The following PRKG1 variants were observed in gnomAD, a reference collection of about 807,000 sequenced individuals.
The protein encoded by PRKG1 is cGMP-dependent protein kinase 1.
A neutral mutation model predicts 88.1 loss-of-function variants in PRKG1; 35 were observed. That is an observed-to-expected ratio of 0.40 (90% CI 0.30 to 0.53). PRKG1 has a LOEUF of 0.53. Among genes scored for constraint, PRKG1 ranks in the 20% least tolerant of loss-of-function variants. The pLI is 0.59. For missense variants in PRKG1, 540 were observed against 839.8 expected, an observed-to-expected ratio of 0.64 and a Z score of 4.41; for synonymous variants, 303 against 292.5, an observed-to-expected ratio of 1.04 and a Z score of -0.37.
intron 1 of PRKG1, among the ~76,000 whole-genome samples, chr10:51,029,880 G>GTAGGA (rs771304303): frequency 6.6e-6 from 1 of 152,118 alleles, no homozygotes; most frequent in Non-Finnish European, 1.5e-5. Flanking sequence ...CCTGGGGCAA[G>GTAGGA]TAGGATAACT....
At chr10:51,420,461 T>C (rs1838378406) in intron 2 of PRKG1, among the ~76,000 whole-genome samples, 1 of 152,138 alleles carries the variant, frequency 6.6e-6, no homozygotes, top group Admixed American at 6.6e-5. Context: ...TTAATCATGG[T>C]TGCACCACAG....
At chr10:51,128,040 AG>A (rs1845474764) in intron 1 of PRKG1, among the ~76,000 whole-genome samples, 1 of 152,190 alleles carries the variant, frequency 6.6e-6, no homozygotes, top group Non-Finnish European at 1.5e-5. Context: ...ACAGGTTGAT[AG>A]GTGCAGCAAA....
intron 1 of PRKG1, among the ~76,000 whole-genome samples, chr10:51,098,557 C>T (rs1844601098): frequency 6.6e-6 from 1 of 152,102 alleles, no homozygotes; most frequent in East Asian, 1.9e-4. Flanking sequence ...AAAATGTGGG[C>T]CTGTGTTAGC....
chr10:52,129,789 A>G (rs1308912007), intron 7 of PRKG1, among the ~76,000 whole-genome samples: 4 of 152,180 alleles, frequency 2.6e-5, no homozygotes, highest in African/African-American at 9.7e-5. Context: ...CCATAACTCT[A>G]TTAGTGCTGG....
intron 1 of PRKG1, among the ~76,000 whole-genome samples, chr10:51,004,730 C>CTG (rs754907477): frequency 2.0e-5 from 3 of 151,046 alleles, no homozygotes; most frequent in Admixed American, 6.6e-5. Context: ...GGGTGTGTGC[C>CTG]TGTGTGTGTG....
intron 2 of PRKG1, among the ~76,000 whole-genome samples, chr10:51,374,938 C>T (rs554908646): frequency 1.4e-4 from 21 of 152,200 alleles, no homozygotes; most frequent in African/African-American, 5.1e-4. Context: ...CCATGTGGGC[C>T]TCTCCATATG....
intron 12 of PRKG1, among the ~76,000 whole-genome samples, chr10:52,276,400 C>T (rs983530358): frequency 8.5e-5 from 13 of 152,184 alleles, no homozygotes; most frequent in African/African-American, 2.2e-4. Flanking sequence ...TGTTGTTACT[C>T]GTCAATGAAA....
At chr10:52,171,612 A>G (rs1420828337) in intron 9 of PRKG1, among the ~76,000 whole-genome samples, 3 of 152,228 alleles carry the variant, frequency 2.0e-5, no homozygotes, top group Non-Finnish European at 2.9e-5. Flanking sequence ...AATGGTTTCT[A>G]AGGCCACCAA....
At chr10:52,041,958 T>C (rs1306704666) in intron 5 of PRKG1, among the ~76,000 whole-genome samples, 1 of 151,958 alleles carries the variant, frequency 6.6e-6, no homozygotes, top group Non-Finnish European at 1.5e-5. Context: ...TAATAATAGC[T>C]TCACACACAC....
chr10:51,108,159 A>G (rs968619485), intron 1 of PRKG1, among the ~76,000 whole-genome samples: 31 of 152,142 alleles, frequency 2.0e-4, no homozygotes, highest in African/African-American at 7.5e-4. Flanking sequence ...TCACTGGTAC[A>G]TTCTACAAAA....
chr10:51,268,842 T>C (rs1055888102), intron 2 of PRKG1, among the ~76,000 whole-genome samples: 2 of 152,168 alleles, frequency 1.3e-5, no homozygotes, highest in Non-Finnish European at 2.9e-5. Flanking sequence ...CTTCACAATT[T>C]ATGTTCAGAG....
intron 5 of PRKG1, among the ~76,000 whole-genome samples, chr10:51,914,623 A>G (rs1238329398): frequency 1.3e-5 from 2 of 152,324 alleles, no homozygotes; most frequent in South Asian, 4.1e-4. Flanking sequence ...TTTCATGTCC[A>G]ATTTTCCCTT....
chr10:51,923,016 A>T (rs903342906), intron 5 of PRKG1, among the ~76,000 whole-genome samples: 1 of 152,058 alleles, frequency 6.6e-6, no homozygotes, highest in Non-Finnish European at 1.5e-5. Context: ...TTATAATAAT[A>T]GATTCATCTA....
chr10:51,057,660 G>A (rs959117284), intron 1 of PRKG1, among the ~76,000 whole-genome samples: 12 of 152,026 alleles, frequency 7.9e-5, no homozygotes, highest in African/African-American at 2.9e-4. Flanking sequence ...ATTTTGCTGA[G>A]TATTGTTTTG....
At chr10:51,266,281 T>G (rs1839834326) in intron 2 of PRKG1, among the ~76,000 whole-genome samples, 1 of 152,142 alleles carries the variant, frequency 6.6e-6, no homozygotes, top group African/African-American at 2.4e-5. Context: ...GAGTTGTACT[T>G]CAGAAATATT....
chr10:51,898,761 C>T (rs1403514333), intron 4 of PRKG1, among the ~76,000 whole-genome samples: 1 of 152,094 alleles, frequency 6.6e-6, no homozygotes, highest in Non-Finnish European at 1.5e-5. Flanking sequence ...AAGCTGTGAT[C>T]TGCAGTGAGT....
At chr10:51,045,682 G>A (rs2132763059) in intron 1 of PRKG1, among the ~76,000 whole-genome samples, 1 of 152,226 alleles carries the variant, frequency 6.6e-6, no homozygotes, top group South Asian at 2.1e-4. Flanking sequence ...TTCCACAACT[G>A]TGCTCGTAAT....
At chr10:51,804,766 A>G in intron 4 of PRKG1, 76 bp downstream of exon 4, 1 of 1,035,066 alleles carries the variant, frequency 9.7e-7, no homozygotes, top group South Asian at 1.4e-5. Context: ...AGCACCCTGA[A>G]TTTCAGGGTG....
At chr10:51,192,565 T>G (rs936273647) in intron 2 of PRKG1, among the ~76,000 whole-genome samples, 5 of 151,938 alleles carry the variant, frequency 3.3e-5, no homozygotes, top group African/African-American at 1.2e-4. Context: ...ACTGGGGAGT[T>G]AGGAAAGTGA....
Sources: gnomAD v4.1 joint callset for allele counts (sites outside exome capture counted in the v4.1 genomes callset) on GRCh38, gnomAD v4.1.1 for gene constraint, MANE v1.5 for transcripts, NCBI Gene and HGNC (gene_info 2026-07-23, HGNC 2026-07-21) for gene names.